Variants in SH3RF1 observed in about 807,000 individuals in gnomAD.
SH3RF1 encodes E3 ubiquitin-protein ligase SH3RF1.
In SH3RF1, 32 loss-of-function variants were observed where a neutral mutation model predicts 74.0. The ratio of observed to expected loss-of-function variants is 0.43; its 90% CI spans 0.33 to 0.58. The LOEUF is 0.58. SH3RF1 is among the 20% of genes least tolerant of loss of function. The pLI is 0.05. For missense variants in SH3RF1, 954 were observed against 1,130.9 expected, an observed-to-expected ratio of 0.84 and a Z score of 2.24; for synonymous variants, 396 against 439.6, an observed-to-expected ratio of 0.90 and a Z score of 1.24.
At chr4:169,102,798 C>T (rs1301763597) in intron 11 of SH3RF1, among the ~76,000 whole-genome samples, 3 of 152,080 alleles carry the variant, frequency 2.0e-5, no homozygotes, top group Non-Finnish European at 2.9e-5. Context: ...TCTCTGCTGA[C>T]ACCAAGACCT....
At chr4:169,221,933 T>C (rs540807971) in intron 2 of SH3RF1, among the ~76,000 whole-genome samples, 2 of 152,328 alleles carry the variant, frequency 1.3e-5, no homozygotes, top group East Asian at 1.9e-4. Flanking sequence ...TAATAGACTA[T>C]GTAATACAAA....
chr4:169,268,730 G>A (rs1313151724), intron 2 of SH3RF1, 90 bp downstream of exon 2: 3 of 1,415,198 alleles, frequency 2.1e-6, no homozygotes, highest in Non-Finnish European at 1.9e-6. Context: ...TAAGCAATGA[G>A]TTGACTTCGA....
At chr4:169,151,713 C>T (rs1243283080) in intron 4 of SH3RF1, among the ~76,000 whole-genome samples, 1 of 152,198 alleles carries the variant, frequency 6.6e-6, no homozygotes, top group Non-Finnish European at 1.5e-5. Flanking sequence ...TGCACATTAC[C>T]TTTTATCATC....
chr4:169,178,394 A>G (rs1348371426), intron 2 of SH3RF1, among the ~76,000 whole-genome samples: 2 of 152,172 alleles, frequency 1.3e-5, no homozygotes, highest in East Asian at 3.9e-4. Flanking sequence ...GCACAGAATC[A>G]CAGGGATTTG....
At chr4:169,152,567 G>A (rs961513394) in intron 4 of SH3RF1, among the ~76,000 whole-genome samples, 71 of 152,022 alleles carry the variant, frequency 4.7e-4, no homozygotes, top group African/African-American at 1.6e-3. Context: ...GTGAAACCCC[G>A]TCTCTACTAA....
intron 2 of SH3RF1, among the ~76,000 whole-genome samples, chr4:169,260,908 T>G (rs1234736574): frequency 6.6e-6 from 1 of 152,232 alleles, no homozygotes; most frequent in Non-Finnish European, 1.5e-5. Context: ...TCAGTAACTT[T>G]GGTTCTCATC....
intron 2 of SH3RF1, among the ~76,000 whole-genome samples, chr4:169,172,963 G>T (rs1706343858): frequency 6.6e-6 from 1 of 152,120 alleles, no homozygotes; most frequent in Admixed American, 6.5e-5. Context: ...TTTCTATCAT[G>T]AACAGATATT....
In SH3RF1 at chr4:169,216,879, A is replaced by C. The variant is rs1053737081; in HGVS notation, c.393+51941T>G. ...TAAAAAGTGAGTTTGGGCTAGGCGCAGTGGCTCATGCCTTTAATCCTAGCA... is the reference window on the plus strand; with the variant it reads ...TAAAAAGTGAGTTTGGGCTAGGCGCCGTGGCTCATGCCTTTAATCCTAGCA... On this transcript the variant is annotated intron_variant, in intron 2 of 11. Transcript: ENST00000284637. Among the ~76,000 whole-genome samples the C allele has an allele frequency of 4.0e-5, 6 of 151,872 alleles. No individual in the cohort carries two copies. The East Asian group carries it at 9.7e-4, about 25-fold the overall frequency.
At chr4:169,133,774 C>CA (rs941956511) in intron 5 of SH3RF1, among the ~76,000 whole-genome samples, 14 of 147,822 alleles carry the variant, frequency 9.5e-5, no homozygotes, top group South Asian at 6.4e-4. Flanking sequence ...GACTCCATCT[C>CA]AAAAAAAAAG....
At chr4:169,218,464 T>C (rs939573805) in intron 2 of SH3RF1, among the ~76,000 whole-genome samples, 3 of 145,064 alleles carry the variant, frequency 2.1e-5, no homozygotes, top group Non-Finnish European at 4.5e-5. Flanking sequence ...ATAATATATA[T>C]AATATAAATA....
chr4:169,198,663 C>T (rs1051077857), intron 2 of SH3RF1, among the ~76,000 whole-genome samples: 1 of 151,770 alleles, frequency 6.6e-6, no homozygotes, highest in East Asian at 1.9e-4. Context: ...GTATATTAAG[C>T]AAAACGATTA....
At chr4:169,218,431 A>C (rs1730503575) in intron 2 of SH3RF1, among the ~76,000 whole-genome samples, 1 of 143,614 alleles carries the variant, frequency 7.0e-6, no homozygotes, top group Non-Finnish European at 1.5e-5. Flanking sequence ...ATATTATAGA[A>C]TATAGAATAT....
intron 4 of SH3RF1, among the ~76,000 whole-genome samples, chr4:169,137,841 T>C (rs1733723616): frequency 6.6e-6 from 1 of 152,232 alleles, no homozygotes; most frequent in Non-Finnish European, 1.5e-5. Context: ...GCAAATTGAC[T>C]GACAATTTGT....
intron 2 of SH3RF1, among the ~76,000 whole-genome samples, chr4:169,241,584 G>A (rs1239099219): frequency 8.8e-6 from 1 of 113,806 alleles, no homozygotes; most frequent in African/African-American, 3.1e-5. Flanking sequence ...TCCACCAGAG[G>A]AGACAGTGAG....
In SH3RF1 at chr4:169,167,614, TA is replaced by T. The variant is rs561234958; in HGVS notation, c.394-10936del. Among the ~76,000 whole-genome samples, 1,037 of 151,086 alleles carry T rather than the reference TA, an allele frequency of 6.9e-3. 13 individuals carry two copies. The highest frequency in any genetic ancestry group is 0.024 in the African/African-American group (975 of 41,222). On this transcript the variant is annotated intron_variant, in intron 2 of 11. Transcript: ENST00000284637. ...AAAATGAATTACTGACACATGTGAG[TA>T]AAAAAAAATACTATATGATTACATT...
intron 2 of SH3RF1, among the ~76,000 whole-genome samples, chr4:169,216,559 C>T (rs28513122): frequency 3.3e-5 from 5 of 152,038 alleles, no homozygotes; most frequent in South Asian, 2.1e-4. Flanking sequence ...ATGCTTTCTC[C>T]GCCAGGAATG....
At chr4:169,243,088 CTT>C (rs1730938844) in intron 2 of SH3RF1, among the ~76,000 whole-genome samples, 1 of 152,208 alleles carries the variant, frequency 6.6e-6, no homozygotes, top group African/African-American at 2.4e-5. Context: ...ATCCATACTA[CTT>C]TTATTTCATT....
intron 2 of SH3RF1, among the ~76,000 whole-genome samples, chr4:169,240,913 T>A (rs114263787): frequency 1.3e-5 from 2 of 152,180 alleles, no homozygotes; most frequent in African/African-American, 4.8e-5. Flanking sequence ...GGAAGCCTTT[T>A]AAGTGAAGTG....
At chr4:169,228,692 A>G (rs1251589237) in intron 2 of SH3RF1, among the ~76,000 whole-genome samples, 1 of 152,080 alleles carries the variant, frequency 6.6e-6, no homozygotes, top group Non-Finnish European at 1.5e-5. Context: ...GGATGTAAAC[A>G]TCTTGAGGGG....
Sources: gnomAD v4.1 joint callset for allele counts (sites outside exome capture counted in the v4.1 genomes callset) on GRCh38, gnomAD v4.1.1 for gene constraint, MANE v1.5 for transcripts, NCBI Gene and HGNC (gene_info 2026-07-23, HGNC 2026-07-21) for gene names.